Variants in CADPS2 observed in about 807,000 individuals in gnomAD.
CADPS2 encodes calcium-dependent secretion activator 2.
A neutral mutation model predicts 172.5 loss-of-function variants in CADPS2; 93 were observed. That is an observed-to-expected ratio of 0.54 (90% CI 0.46 to 0.64). The LOEUF (loss-of-function observed/expected upper bound fraction) is 0.64. Among genes scored for constraint, CADPS2 ranks in the 30% least tolerant of loss-of-function variants. CADPS2 has a pLI of 0.00. For synonymous variants in CADPS2, 546 were observed against 555.2 expected, an observed-to-expected ratio of 0.98 and a Z score of 0.23; for missense variants, 1,420 against 1,565.9, an observed-to-expected ratio of 0.91 and a Z score of 1.57.
intron 1 of CADPS2, among the ~76,000 whole-genome samples, chr7:122,842,834 T>A (rs1303282457): frequency 1.3e-5 from 2 of 152,180 alleles, no homozygotes; most frequent in East Asian, 3.9e-4. Flanking sequence ...AACCCTTGCC[T>A]ACACTATCCA....
intron 2 of CADPS2, chr7:122,701,676 A>C (rs2086121079): frequency 1.5e-5 from 7 of 467,454 alleles, no homozygotes; most frequent in Middle Eastern, 4.9e-4. Flanking sequence ...GCTGGGCATG[A>C]TAAGGAGTTT....
At chr7:122,632,784 G>A (rs566692962) in intron 3 of CADPS2, among the ~76,000 whole-genome samples, 1 of 152,158 alleles carries the variant, frequency 6.6e-6, no homozygotes, top group Non-Finnish European at 1.5e-5. Flanking sequence ...CTAAGGTCGA[G>A]AAGGGTATTT....
chr7:122,522,994 A>G (rs1339640329), intron 8 of CADPS2, among the ~76,000 whole-genome samples: 1 of 152,144 alleles, frequency 6.6e-6, no homozygotes, highest in Non-Finnish European at 1.5e-5. Flanking sequence ...GGCTGATTTC[A>G]TATGTTGGCT....
At chr7:122,713,919 A>G (rs1239857165) in intron 2 of CADPS2, among the ~76,000 whole-genome samples, 1 of 152,116 alleles carries the variant, frequency 6.6e-6, no homozygotes, top group African/African-American at 2.4e-5. Context: ...AAAGTAAAAC[A>G]AAGAAGTAAA....
chr7:122,705,958 A>AATATAATATAT (rs2087270151), intron 2 of CADPS2, among the ~76,000 whole-genome samples: 2 of 20,980 alleles, frequency 9.5e-5, no homozygotes, highest in African/African-American at 5.1e-4. Flanking sequence ...TATATAATAT[A>AATATAATATAT]TATATAATAT....
chr7:122,680,933 G>A (rs1331052812), intron 2 of CADPS2, among the ~76,000 whole-genome samples: 4 of 151,524 alleles, frequency 2.6e-5, no homozygotes, highest in Admixed American at 2.6e-4. Context: ...TATACACCAT[G>A]GAATACTATG....
At chr7:122,612,239 A>G (rs1372207715) in intron 6 of CADPS2, among the ~76,000 whole-genome samples, 1 of 152,068 alleles carries the variant, frequency 6.6e-6, no homozygotes, top group East Asian at 1.9e-4. Context: ...TCTAAATTAG[A>G]CAGGAAGAAG....
intron 1 of CADPS2, among the ~76,000 whole-genome samples, chr7:122,883,990 G>C (rs1823628637): frequency 6.6e-6 from 1 of 152,110 alleles, no homozygotes; most frequent in Non-Finnish European, 1.5e-5. Flanking sequence ...TATTTAAACA[G>C]AAGGAGTCAG....
chr7:122,563,805 T>C (rs867788113), intron 7 of CADPS2, among the ~76,000 whole-genome samples: 13 of 152,140 alleles, frequency 8.5e-5, no homozygotes, highest in African/African-American at 2.9e-4. Flanking sequence ...TGTTTTGGGA[T>C]TGGCTAGCTA....
intron 7 of CADPS2, among the ~76,000 whole-genome samples, chr7:122,571,253 T>G (rs1781261919): frequency 6.6e-6 from 1 of 152,158 alleles, no homozygotes; most frequent in South Asian, 2.1e-4. Flanking sequence ...ACATCATTAG[T>G]GTTTTTGCTA....
intron 7 of CADPS2, among the ~76,000 whole-genome samples, chr7:122,576,423 G>A (rs780627393): frequency 5.3e-5 from 8 of 152,096 alleles, no homozygotes; most frequent in South Asian, 2.1e-4. Flanking sequence ...TGTCATACCT[G>A]TAGAGTACAA....
intron 3 of CADPS2, among the ~76,000 whole-genome samples, chr7:122,638,867 G>A (rs188419712): frequency 6.9e-4 from 105 of 152,268 alleles, no homozygotes; most frequent in African/African-American, 1.9e-3. Context: ...GAATCCTGAC[G>A]TGGTTTCTTA....
intron 17 of CADPS2, among the ~76,000 whole-genome samples, chr7:122,416,380 T>C (rs926904624): frequency 3.9e-5 from 6 of 152,116 alleles, no homozygotes; most frequent in African/African-American, 1.4e-4. Flanking sequence ...CTTTGCCATT[T>C]AATATATAAG....
At chr7:122,559,034 C>T (rs755482114) in intron 7 of CADPS2, among the ~76,000 whole-genome samples, 1 of 152,100 alleles carries the variant, frequency 6.6e-6, no homozygotes, top group East Asian at 1.9e-4. Context: ...CCTGGGACCA[C>T]AATAATTGCA....
intron 17 of CADPS2, among the ~76,000 whole-genome samples, chr7:122,428,490 G>A (rs927322306): frequency 2.7e-5 from 4 of 145,696 alleles, no homozygotes; most frequent in Admixed American, 6.9e-5. Context: ...TTTTTGAGAC[G>A]GAGTTTTGCT....
intron 4 of CADPS2, among the ~76,000 whole-genome samples, chr7:122,627,589 C>T (rs2076202875): frequency 6.6e-6 from 1 of 152,170 alleles, no homozygotes; most frequent in Admixed American, 6.5e-5. Flanking sequence ...ACCTTCTTCT[C>T]AGTCATGAAC....
Position 122,441,552 on chromosome 7 carries a change from G to C in CADPS2, c.2312C>G (p.Pro771Arg). 1 of 1,537,748 alleles carries C rather than the reference G, an allele frequency of 6.5e-7. No individual in the cohort carries two copies. Among genetic ancestry groups the C allele is most frequent in the Non-Finnish European group, 8.8e-7 (1 of 1,141,584 alleles). ...HFRYCFPFGRPEGALKATLSL... is the reference protein window; with the variant it reads ...HFRYCFPFGRREGALKATLSL... ...AAGTGTAGCTTTTAGAGCACCTTCA[G>C]GTCGTCCAAAGGGAAAACAGTATCT... The change falls in exon 16 of 30, where the codon CCT becomes CGT. Residue 771 changes from proline to arginine, a missense_variant. Physicochemically the swap from Pro to Arg is moderately radical, Grantham distance 103. Coordinates refer to ENST00000449022, the MANE Select transcript of CADPS2 (RefSeq NM_017954.11).
chr7:122,643,823 G>C (rs2077974714), intron 3 of CADPS2, among the ~76,000 whole-genome samples: 1 of 152,122 alleles, frequency 6.6e-6, no homozygotes, highest in African/African-American at 2.4e-5. Context: ...TGGCACGGTA[G>C]CTTATGCCTA....
At chr7:122,391,429 T>C (rs1005991063) in intron 22 of CADPS2, among the ~76,000 whole-genome samples, 11 of 152,082 alleles carry the variant, frequency 7.2e-5, no homozygotes, top group African/African-American at 2.7e-4. Flanking sequence ...CGCAGGATAA[T>C]GCCCATGATA....
Sources: allele counts gnomAD v4.1 joint callset (sites outside exome capture counted in the v4.1 genomes callset), GRCh38; gene constraint gnomAD v4.1.1; transcripts MANE v1.5; gene names NCBI Gene and HGNC (gene_info 2026-07-23, HGNC 2026-07-21).